Variants in NBN observed in about 807,000 individuals in gnomAD.
NBN encodes Nijmegen breakage syndrome 1 (nibrin).
In NBN, 88 loss-of-function variants were observed where a neutral mutation model predicts 90.8. That is an observed-to-expected ratio of 0.97 (90% CI 0.82 to 1.16). The LOEUF (loss-of-function observed/expected upper bound fraction) is 1.16, where lower values mean the gene tolerates loss of function less well. Ranked by LOEUF, NBN falls within the 50% of genes most tolerant of loss-of-function variation. The probability of loss-of-function intolerance (pLI) is 0.00; values close to 1 mark genes in which losing one functional copy is unlikely to be tolerated. For synonymous variants in NBN, 328 were observed against 295.1 expected (o/e 1.11, Z -1.14); for missense variants, 894 against 869.6 (o/e 1.03, Z -0.35).
chr8:89,969,964 AT>A (rs1262423387), intron 7 of NBN, among the ~76,000 whole-genome samples: 1 of 149,394 alleles, frequency 6.7e-6, no homozygotes, highest in Admixed American at 6.7e-5. Flanking sequence ...AAAATAAAAA[AT>A]AGGCCAGGCA....
At chr8:89,951,673 C>A (rs1158128635) in intron 11 of NBN, among the ~76,000 whole-genome samples, 3 of 152,050 alleles carry the variant, frequency 2.0e-5, no homozygotes, top group African/African-American at 7.2e-5. Context: ...GTAGGAATTG[C>A]GACAGAAGTG....
intron 7 of NBN, among the ~76,000 whole-genome samples, chr8:89,967,467 T>C (rs1811309245): frequency 6.6e-6 from 1 of 152,082 alleles, no homozygotes; most frequent in African/African-American, 2.4e-5. Context: ...GTCTGAAAAA[T>C]AACTAAATAA....
chr8:89,981,931 T>C (rs1812090482), intron 2 of NBN: 3 of 1,124,358 alleles, frequency 2.7e-6, no homozygotes, highest in Non-Finnish European at 3.5e-6. Context: ...TACGAGGTTA[T>C]AGGCTAGTGT....
intron 15 of NBN, chr8:89,935,985 G>A (rs1385302361): frequency 5.9e-6 from 2 of 340,088 alleles, no homozygotes; most frequent in Non-Finnish European, 1.1e-5. Flanking sequence ...CTACTTAAAT[G>A]TAATTAGCAC....
rs745898359 is a variant in NBN, at chr8:89,953,181, G to A, written c.1845+63C>T. The A allele has an allele frequency of 4.9e-4, 601 of 1,222,284 alleles. 4 individuals are homozygous for A. The highest frequency in any genetic ancestry group is 7.2e-4 in the East Asian group (31 of 42,998). 75.7% of individuals were successfully genotyped at this position (1,222,284 alleles called of 1,614,324 possible). On this transcript the variant is annotated intron_variant, in intron 11 of 15. Transcript: ENST00000265433. The stretch of plus-strand genomic sequence containing the variant: ...ATGCTCATACTGTCAATACAAAATC[G>A]AAAGTACCTGTTAGCATTCTAAGCT...
intron 9 of NBN, among the ~76,000 whole-genome samples, chr8:89,957,422 G>A (rs1395666553): frequency 6.6e-6 from 1 of 152,124 alleles, no homozygotes; most frequent in Non-Finnish European, 1.5e-5. Flanking sequence ...TTTAAGCTAG[G>A]TATTATTAAA....
chr8:89,936,016 A>C, intron 15 of NBN: 1 of 358,424 alleles, frequency 2.8e-6, no homozygotes, highest in Non-Finnish European at 5.3e-6. Context: ...TTTCTCCTAC[A>C]GCAGTTAAAC....
intron 8 of NBN, 85 bp downstream of exon 8, chr8:89,964,325 A>G: frequency 1.4e-6 from 2 of 1,440,450 alleles, no homozygotes; most frequent in Non-Finnish European, 1.9e-6. Flanking sequence ...GGTCACCCCT[A>G]GCAAGTATAT....
Position 89,982,013 on chromosome 8 carries a change from AG to A in NBN, c.172-491del, listed in dbSNP as rs761696147. Reference sequence around the variant, plus strand: ...AATGTTTTTCTATACCTAAAAGAACAGAAACAAAACCTAAATAAAACTGAAG... The same window carrying A: ...AATGTTTTTCTATACCTAAAAGAACAAAACAAAACCTAAATAAAACTGAAG... On this transcript the variant is annotated intron_variant, in intron 2 of 15. Coordinates refer to ENST00000265433, the MANE Select transcript of NBN (RefSeq NM_002485.5). 3 of 1,118,066 alleles carry A rather than the reference AG, an allele frequency of 2.7e-6. No individual in the cohort carries two copies. In the South Asian group the frequency reaches 4.3e-5, roughly 16 times the overall value. The allele number at this position is 1,118,066 out of a possible 1,614,324, so 69.3% of individuals were successfully genotyped here. A position where few individuals can be genotyped will look rare whatever the true frequency, so the allele number is the denominator to read the frequency against.
chr8:89,946,740 G>A (rs1024315050), intron 12 of NBN: 3 of 166,624 alleles, frequency 1.8e-5, no homozygotes, highest in Non-Finnish European at 3.9e-5. Flanking sequence ...ATTCTCAAGA[G>A]TTTGTATCTT....
intron 14 of NBN, among the ~76,000 whole-genome samples, chr8:89,942,480 C>T (rs1308679279): frequency 6.6e-6 from 1 of 152,078 alleles, no homozygotes; most frequent in Non-Finnish European, 1.5e-5. Flanking sequence ...TCAAAAATCA[C>T]AAAGCACAAA....
At position 89,977,121 on chromosome 8, in the gene NBN, T is replaced by G. The variant is rs1811798490; in HGVS notation, c.584+1099A>C. Among the ~76,000 whole-genome samples the G allele has an allele frequency of 1.3e-5, 2 of 152,138 alleles. 1 individual carries two copies. The highest frequency in any genetic ancestry group is 4.1e-4 in the South Asian group (2 of 4,830). ...AGAACATGCAGATTTGTTACATAGGTATCCATGTGCCATGGTGGTCTGCTG... is the reference window on the plus strand; with the variant it reads ...AGAACATGCAGATTTGTTACATAGGGATCCATGTGCCATGGTGGTCTGCTG... On this transcript the variant is annotated intron_variant, in intron 5 of 15. Coordinates refer to ENST00000265433, the MANE Select transcript of NBN (RefSeq NM_002485.5).
intron 8 of NBN, among the ~76,000 whole-genome samples, chr8:89,959,541 C>T (rs1251272510): frequency 1.3e-5 from 2 of 152,034 alleles, no homozygotes. Context: ...TCACTTGAGC[C>T]CAGGAGTTTG....
At chr8:89,980,622 A>G (rs1812011657) in intron 4 of NBN, 112 bp downstream of exon 4, 1 of 876,950 alleles carries the variant, frequency 1.1e-6, no homozygotes, top group Non-Finnish European at 1.8e-6. Flanking sequence ...ATATAAATCT[A>G]CAACTAACAG....
intron 14 of NBN, among the ~76,000 whole-genome samples, chr8:89,942,193 T>C (rs567491288): frequency 5.3e-5 from 8 of 152,290 alleles, no homozygotes; most frequent in African/African-American, 1.9e-4. Context: ...CCCATCTTCA[T>C]TCTGGCACTT....
chr8:89,979,828 A>C (rs1286746780), intron 4 of NBN, among the ~76,000 whole-genome samples: 2 of 152,192 alleles, frequency 1.3e-5, no homozygotes, highest in African/African-American at 2.4e-5. Flanking sequence ...GTAGTAAAAT[A>C]TCTCTCAAGA....
chr8:89,979,506 AGTT>A (rs1811949332), intron 4 of NBN, among the ~76,000 whole-genome samples: 1 of 152,114 alleles, frequency 6.6e-6, no homozygotes, highest in Non-Finnish European at 1.5e-5. Context: ...AGAAAATAAA[AGTT>A]GAACTGAACG....
chr8:89,947,960 G>A, intron 11 of NBN, 68 bp from the exon 12 acceptor site: 1 of 955,254 alleles, frequency 1.0e-6, no homozygotes, highest in Non-Finnish European at 1.6e-6. Flanking sequence ...TCACTTCTTG[G>A]CCTTTTGAAT....
At position 89,964,414 on chromosome 8, in the gene NBN, A is replaced by G. The variant is rs1482013266; in HGVS notation, c.990T>C (p.Ser330=). The G allele has an allele frequency of 1.2e-6, 2 of 1,613,840 alleles. No individual in the cohort carries two copies. Among genetic ancestry groups the G allele is most frequent in the Admixed American group, 1.7e-5 (1 of 60,008 alleles). Residue 330 remains serine, a synonymous_variant, in exon 8 of 16, where the codon AGT becomes AGC. Coordinates refer to ENST00000265433, the MANE Select transcript of NBN (RefSeq NM_002485.5). ...ATAAAATAATGCTTCAATTACCTGT[A>G]CTGGGATGGCCCTGAGGATCACAGT... ...KNYCDPQGHP[S]TGLKTTTPGP...
Sources: gnomAD v4.1 joint callset for allele counts (sites outside exome capture counted in the v4.1 genomes callset) on GRCh38, gnomAD v4.1.1 for gene constraint, MANE v1.5 for transcripts, NCBI Gene and HGNC (gene_info 2026-07-23, HGNC 2026-07-21) for gene names.